The following CHODL variants were observed in gnomAD, a reference collection of about 807,000 sequenced individuals.
CHODL encodes transmembrane protein MT75.
Under a neutral mutation model 34.5 loss-of-function variants are expected in CHODL, and 29 were observed. That is an observed-to-expected ratio of 0.84 (90% confidence interval 0.63 to 1.15). The LOEUF (loss-of-function observed/expected upper bound fraction) is 1.15. Among genes scored for constraint, CHODL ranks in the 50% most tolerant of loss-of-function variants. The pLI is 0.00. For synonymous variants in CHODL, 125 were observed against 116.1 expected, an observed-to-expected ratio of 1.08 and a Z score of -0.49; for missense variants, 332 against 332.5, an observed-to-expected ratio of 1.00 and a Z score of 0.01.
intron 1 of CHODL, among the ~76,000 whole-genome samples, chr21:17,920,581 A>C (rs2063175567): frequency 6.6e-6 from 1 of 152,222 alleles, no homozygotes; most frequent in Non-Finnish European, 1.5e-5. Flanking sequence ...GGGGACACAG[A>C]ACAACCATAT....
intron 1 of CHODL, among the ~76,000 whole-genome samples, chr21:18,026,330 G>A (rs1208546024): frequency 2.0e-5 from 3 of 152,086 alleles, no homozygotes; most frequent in African/African-American, 7.2e-5. Context: ...TAACATTTGT[G>A]GGTAAAGCCT....
chr21:18,007,506 T>A (rs1466705201), intron 1 of CHODL, among the ~76,000 whole-genome samples: 1 of 152,206 alleles, frequency 6.6e-6, no homozygotes, highest in Non-Finnish European at 1.5e-5. Context: ...ATCTATTACA[T>A]CTTGAGGTTT....
chr21:18,196,898 T>C (rs1350972427), intron 2 of CHODL, among the ~76,000 whole-genome samples: 1 of 152,128 alleles, frequency 6.6e-6, no homozygotes, highest in Non-Finnish European at 1.5e-5. Context: ...AGACCTAATG[T>C]ACAGCATAGT....
At chr21:18,103,230 C>G (rs1301425770) in intron 2 of CHODL, among the ~76,000 whole-genome samples, 1 of 151,936 alleles carries the variant, frequency 6.6e-6, no homozygotes, top group Non-Finnish European at 1.5e-5. Context: ...CTATGTTTTT[C>G]TACAAAAATG....
rs140896201 is a variant in CHODL, at chr21:17,997,825, G to A, written c.-144-30047G>A. 5.6e-3 allele frequency among the ~76,000 whole-genome samples: 850 copies of A among 152,010 alleles called. 6 individuals are homozygous for A. Among genetic ancestry groups the A allele is most frequent in the African/African-American group, 0.014 (562 of 41,438 alleles). ...ACCCCTCCAGCCCCTCCCACAACACGTGGGAATTCTGGGAGATACAATTCA... is the reference window on the plus strand; with the variant it reads ...ACCCCTCCAGCCCCTCCCACAACACATGGGAATTCTGGGAGATACAATTCA... On this transcript the variant is annotated intron_variant, in intron 1 of 6. Coordinates refer to the CHODL transcript ENST00000400127.
At chr21:18,163,640 G>C (rs1307024537) in intron 2 of CHODL, among the ~76,000 whole-genome samples, 1 of 152,122 alleles carries the variant, frequency 6.6e-6, no homozygotes, top group Non-Finnish European at 1.5e-5. Context: ...AGTGTCAGGA[G>C]GATGAAAAGA....
intron 2 of CHODL, among the ~76,000 whole-genome samples, chr21:18,127,701 T>TTTTTTTTTTTA (rs2072592150): frequency 7.8e-6 from 1 of 128,102 alleles, no homozygotes. Context: ...TTTTTTTTTT[T>TTTTTTTTTTTA]AGCTTAAAAC....
chr21:18,203,798 A>G (rs2073682412), intron 2 of CHODL, among the ~76,000 whole-genome samples: 1 of 152,172 alleles, frequency 6.6e-6, no homozygotes, highest in Admixed American at 6.5e-5. Context: ...AATTTCAGTT[A>G]AAAGAAAAGC....
At chr21:18,011,340 TG>T (rs1303812047) in intron 1 of CHODL, among the ~76,000 whole-genome samples, 1 of 152,198 alleles carries the variant, frequency 6.6e-6, no homozygotes, top group African/African-American at 2.4e-5. Flanking sequence ...ATCAGTGCTA[TG>T]GTCTGAGTAG....
At position 18,128,144 on chromosome 21, in the gene CHODL, C is replaced by CA. The variant is rs547618199; in HGVS notation, c.-45+100180dup. Among the ~76,000 whole-genome samples, 54 of 150,196 alleles carry CA rather than the reference C, an allele frequency of 3.6e-4. No homozygotes were observed. In the East Asian group the frequency reaches 0.011, roughly 30 times the overall value. On this transcript the variant is annotated intron_variant, in intron 2 of 6. Coordinates refer to the CHODL transcript ENST00000400127. ...TGAAACCCCGTCTCTACTAAAAATA[C>CA]AAAAAAATTAGCTGGGCGTGGTGGC...
At chr21:18,005,764 A>C (rs989859979) in intron 1 of CHODL, among the ~76,000 whole-genome samples, 15 of 152,206 alleles carry the variant, frequency 9.9e-5, no homozygotes, top group Admixed American at 9.2e-4. Context: ...CCTAGAAAAC[A>C]TGTAGCTCCC....
intron 2 of CHODL, among the ~76,000 whole-genome samples, chr21:18,055,512 T>C (rs980528452): frequency 1.3e-5 from 2 of 152,096 alleles, no homozygotes; most frequent in Non-Finnish European, 2.9e-5. Context: ...CATAGTCTCA[T>C]GCCTTTAGCT....
chr21:18,003,061 G>T (rs909612370), intron 1 of CHODL, among the ~76,000 whole-genome samples: 25 of 150,794 alleles, frequency 1.7e-4, no homozygotes, highest in East Asian at 2.0e-4. Context: ...GGGGCGGAGT[G>T]TGCAGTGAGC....
chr21:17,929,709 A>T (rs766411160), intron 1 of CHODL, among the ~76,000 whole-genome samples: 1 of 152,090 alleles, frequency 6.6e-6, no homozygotes, highest in Non-Finnish European at 1.5e-5. Context: ...TAACACAGGG[A>T]ACTTGCCCGG....
chr21:18,000,868 T>C (rs1036498057), intron 1 of CHODL, among the ~76,000 whole-genome samples: 15 of 152,240 alleles, frequency 9.9e-5, no homozygotes, highest in South Asian at 2.1e-4. Flanking sequence ...GAACAGCTTT[T>C]TCTTTTTCTT....
At chr21:18,214,510 A>G (rs1232017846) in intron 2 of CHODL, among the ~76,000 whole-genome samples, 1 of 152,124 alleles carries the variant, frequency 6.6e-6, no homozygotes, top group Non-Finnish European at 1.5e-5. Flanking sequence ...ACATATTATA[A>G]GCCTGGTTCA....
At chr21:18,146,476 A>T (rs9305845) in intron 2 of CHODL, among the ~76,000 whole-genome samples, 1 of 151,668 alleles carries the variant, frequency 6.6e-6, no homozygotes, top group Non-Finnish European at 1.5e-5. Context: ...GTGAGTTCTC[A>T]TGAGACCTGA....
chr21:18,051,841 A>G (rs1008873272), intron 2 of CHODL, among the ~76,000 whole-genome samples: 2 of 151,972 alleles, frequency 1.3e-5, no homozygotes, highest in African/African-American at 4.8e-5. Context: ...AACTATTGGA[A>G]CCTGAAAAAG....
chr21:18,251,757 T>C (rs1434629223), intron 1 of CHODL, among the ~76,000 whole-genome samples: 1 of 143,656 alleles, frequency 7.0e-6, no homozygotes, highest in African/African-American at 2.5e-5. Context: ...TTATTTATTT[T>C]AATATATAAA....
Sources: allele counts gnomAD v4.1 joint callset (sites outside exome capture counted in the v4.1 genomes callset), GRCh38; gene constraint gnomAD v4.1.1; transcripts MANE v1.5; gene names NCBI Gene and HGNC (gene_info 2026-07-23, HGNC 2026-07-21).